The following RPS6KA2 variants were observed in gnomAD, a reference collection of about 807,000 sequenced individuals.
RPS6KA2 encodes ribosomal protein S6 kinase A2.
In RPS6KA2, 42 loss-of-function variants were observed where a neutral mutation model predicts 91.8. That is an observed-to-expected ratio of 0.46 (90% CI 0.36 to 0.59). The LOEUF (loss-of-function observed/expected upper bound fraction) is 0.59. Ranked by LOEUF, RPS6KA2 falls within the 20% of genes least tolerant of loss-of-function variation. The probability of loss-of-function intolerance (pLI) is 0.00; values close to 1 mark genes in which losing one functional copy is unlikely to be tolerated. For synonymous variants in RPS6KA2, 414 were observed against 393.6 expected (o/e 1.05, Z -0.61); for missense variants, 798 against 978.5 (o/e 0.82, Z 2.46).
At chr6:166,578,050 T>C (rs1784893083) in intron 1 of RPS6KA2, among the ~76,000 whole-genome samples, 1 of 152,158 alleles carries the variant, frequency 6.6e-6, no homozygotes, top group East Asian at 1.9e-4. Flanking sequence ...ATAAGAAATG[T>C]TTTTTGCCTC....
At chr6:166,478,241 C>T (rs967432892) in intron 10 of RPS6KA2, among the ~76,000 whole-genome samples, 9 of 152,206 alleles carry the variant, frequency 5.9e-5, no homozygotes, top group African/African-American at 1.9e-4. Context: ...CATATGCTCA[C>T]GTGCTTATGT....
Position 166,849,614 on chromosome 6 carries a change from G to A in RPS6KA2, c.123+8586C>T, listed in dbSNP as rs1780688372. 1.3e-5 allele frequency among the ~76,000 whole-genome samples: 2 copies of A among 152,120 alleles called. No individual in the cohort carries two copies. Among genetic ancestry groups the A allele is most frequent in the African/African-American group, 4.8e-5 (2 of 41,410 alleles). ...ATGAGACCGTTCATCGTTTCAAGAA[G>A]GACATTGCAATGTTTACCCTATTAA... On this transcript the variant is annotated intron_variant, in intron 2 of 21. Transcript: ENST00000503859. The surrounding 1 kb of genome is among the most constrained non-coding windows in gnomAD (Gnocchi z 4.9).
chr6:166,413,446 C>T (rs1342149295), intron 20 of RPS6KA2, among the ~76,000 whole-genome samples: 1 of 152,146 alleles, frequency 6.6e-6, no homozygotes, highest in Admixed American at 6.5e-5. Flanking sequence ...GAGTCCCACC[C>T]AGAGGATGGG....
chr6:166,414,349 T>C (rs548719592), intron 19 of RPS6KA2, among the ~76,000 whole-genome samples: 1 of 152,334 alleles, frequency 6.6e-6, no homozygotes, highest in Non-Finnish European at 1.5e-5. Context: ...CCCATAAATA[T>C]TTACTACAAA....
chr6:166,648,182 A>G lies in RPS6KA2; in HGVS notation c.124-109398T>C, dbSNP rs1018474370. Among the ~76,000 whole-genome samples, 13 of 127,110 alleles carry G rather than the reference A, an allele frequency of 1.0e-4. No individual in the cohort carries two copies. Among genetic ancestry groups the G allele is most frequent in the Admixed American group, 3.1e-4 (4 of 13,056 alleles). 83.4% of individuals were successfully genotyped at this position (127,110 alleles called of 152,430 possible). ...CACCCATGCACACATGCTCACACAC[A>G]TGCACACATGCTCATACACACACTC... On this transcript the variant is annotated intron_variant, in intron 2 of 21. Transcript: ENST00000503859. This position sits in a 1 kb window ranked among gnomAD's most constrained non-coding sequence, Gnocchi z 4.8.
intron 6 of RPS6KA2, among the ~76,000 whole-genome samples, chr6:166,502,766 G>A (rs760336404): frequency 9.2e-5 from 14 of 152,212 alleles, no homozygotes; most frequent in Non-Finnish European, 1.2e-4. Flanking sequence ...AGAGCACCAC[G>A]GGGTTCTAGG....
intron 2 of RPS6KA2, among the ~76,000 whole-genome samples, chr6:166,534,094 C>T (rs886094380): frequency 6.6e-5 from 10 of 151,784 alleles, no homozygotes; most frequent in African/African-American, 2.2e-4. Flanking sequence ...CTGTGGCAGG[C>T]GCCTGTAGTC....
At chr6:166,427,712 A>G (rs2128443914) in intron 16 of RPS6KA2, among the ~76,000 whole-genome samples, 1 of 152,348 alleles carries the variant, frequency 6.6e-6, no homozygotes, top group African/African-American at 2.4e-5. Context: ...ATTGCTTCAA[A>G]GAGAATAAAA....
chr6:166,726,737 G>C lies in RPS6KA2; in HGVS notation c.123+131463C>G, dbSNP rs1753938356. On this transcript the variant is annotated intron_variant, in intron 2 of 21. Coordinates refer to the RPS6KA2 transcript ENST00000503859. The surrounding 1 kb of genome is among the most constrained non-coding windows in gnomAD (Gnocchi z 4.4). ...TCAGTTGCGATACCGGTTTCCATAA[G>C]CTTCTGTGAATTCTTGTCAAAGCTT... Among the ~76,000 whole-genome samples the C allele has an allele frequency of 6.6e-6, 1 of 152,230 alleles. No homozygotes were observed. The highest frequency in any genetic ancestry group is 2.4e-5 in the African/African-American group (1 of 41,454).
chr6:166,668,839 C>T (rs1250582440), intron 2 of RPS6KA2, among the ~76,000 whole-genome samples: 1 of 143,434 alleles, frequency 7.0e-6, no homozygotes, highest in Non-Finnish European at 1.5e-5. Context: ...TCCCTCCCTC[C>T]TCCATCCCTC....
intron 10 of RPS6KA2, among the ~76,000 whole-genome samples, chr6:166,485,427 C>T (rs2128471664): frequency 6.6e-6 from 1 of 152,108 alleles, no homozygotes; most frequent in Middle Eastern, 3.4e-3. Context: ...GGAGCAAGCC[C>T]CTGCCAGCGA....
At chr6:166,428,452 A>G (rs1360255905) in intron 16 of RPS6KA2, among the ~76,000 whole-genome samples, 2 of 139,170 alleles carry the variant, frequency 1.4e-5, no homozygotes, top group African/African-American at 2.8e-5. Context: ...AAATTGACAA[A>G]TGGGATCTAA....
intron 10 of RPS6KA2, among the ~76,000 whole-genome samples, chr6:166,480,315 T>C (rs1781144022): frequency 6.6e-6 from 1 of 151,682 alleles, no homozygotes; most frequent in South Asian, 2.1e-4. Context: ...AATGTACAGG[T>C]ACTGGCTGAT....
At chr6:166,630,678 G>A (rs115543186), upstream of RPS6KA2, among the ~76,000 whole-genome samples, 44 of 152,328 alleles carry the variant, frequency 2.9e-4, no homozygotes, top group African/African-American at 9.4e-4. Flanking sequence ...AGGGAGGGAG[G>A]TGGGCTTCAG....
chr6:166,540,012 G>T (rs1450022954), intron 1 of RPS6KA2, among the ~76,000 whole-genome samples: 1 of 152,148 alleles, frequency 6.6e-6, no homozygotes, highest in African/African-American at 2.4e-5. Flanking sequence ...GGGAACCAGG[G>T]GCCTCTCATT....
At chr6:166,738,060 T>C (rs948669215) in intron 2 of RPS6KA2, among the ~76,000 whole-genome samples, 1 of 152,266 alleles carries the variant, frequency 6.6e-6, no homozygotes. Context: ...GCTATATTAC[T>C]GTCCCATGAC....
intron 2 of RPS6KA2, among the ~76,000 whole-genome samples, chr6:166,689,367 C>T (rs1363761363): frequency 1.3e-5 from 2 of 152,268 alleles, no homozygotes; most frequent in African/African-American, 2.4e-5. Context: ...ACACAGGCAC[C>T]TGCCACGGAT....
chr6:166,814,335 A>G (rs1282462545), intron 2 of RPS6KA2, among the ~76,000 whole-genome samples: 4 of 152,388 alleles, frequency 2.6e-5, no homozygotes, highest in African/African-American at 9.6e-5. Flanking sequence ...AATGATTCAC[A>G]TCTTTCCTTT....
intron 15 of RPS6KA2, among the ~76,000 whole-genome samples, chr6:166,431,610 T>C (rs1779134446): frequency 6.6e-6 from 1 of 152,210 alleles, no homozygotes; most frequent in African/African-American, 2.4e-5. Flanking sequence ...ATGCTCTGAT[T>C]ATTCTTTTTA....
Sources: gnomAD v4.1 joint callset for allele counts (sites outside exome capture counted in the v4.1 genomes callset) on GRCh38, gnomAD v4.1.1 for gene constraint, Gnocchi (gnomAD v3.1) non-coding constraint, MANE v1.5 for transcripts, NCBI Gene and HGNC (gene_info 2026-07-23, HGNC 2026-07-21) for gene names.